CASD1: variants seen among roughly 807,000 people sequenced by gnomAD.
CASD1 encodes N-acetylneuraminate (7)9-O-acetyltransferase.
CASD1 carries 41 observed loss-of-function variants against 100.0 expected under a neutral mutation model. The observed-to-expected ratio is 0.41, with a 90% CI of 0.32 to 0.53. CASD1 has a LOEUF of 0.53. Ranked by LOEUF, CASD1 falls within the 20% of genes least tolerant of loss-of-function variation. The pLI is 0.25. For missense variants in CASD1, 774 were observed against 948.7 expected, an observed-to-expected ratio of 0.82 and a Z score of 2.42; for synonymous variants, 321 against 315.6, an observed-to-expected ratio of 1.02 and a Z score of -0.18.
chr7:94,584,649 C>G, the CASD1 span, among the ~76,000 whole-genome samples: 3 of 152,186 alleles, frequency 2.0e-5, no homozygotes, highest in African/African-American at 4.8e-5. Context: ...GGTTTTCCAG[C>G]TAGTCCAGTC....
At chr7:94,623,571 T>C in the CASD1 span, 20 of 594,418 alleles carry the variant, frequency 3.4e-5, no homozygotes, top group African/African-American at 7.5e-5. Context: ...AGCAATATTA[T>C]GGGAAAATAA....
chr7:94,526,630 A>AT (rs1446736397), intron 3 of CASD1, among the ~76,000 whole-genome samples: 1 of 152,082 alleles, frequency 6.6e-6, no homozygotes, highest in South Asian at 2.1e-4. Flanking sequence ...GCTACAAAAA[A>AT]TTTTTTTAAA....
At chr7:94,525,543 G>T (rs1375016076) in intron 3 of CASD1, among the ~76,000 whole-genome samples, 1 of 152,038 alleles carries the variant, frequency 6.6e-6, no homozygotes, top group East Asian at 1.9e-4. Flanking sequence ...TATTAAAAAA[G>T]GAAAAAGAAG....
chr7:94,626,868 GT>G, the CASD1 span: 1 of 151,884 alleles, frequency 6.6e-6, no homozygotes, highest in Admixed American at 6.6e-5. Flanking sequence ...TCTATTCCTA[GT>G]TTGCCAAGAG....
the CASD1 span, among the ~76,000 whole-genome samples, chr7:94,596,948 G>T: frequency 2.0e-5 from 3 of 151,972 alleles, no homozygotes; most frequent in African/African-American, 7.2e-5. Flanking sequence ...GAATGATAAA[G>T]CCATTTCATA....
In CASD1 at chr7:94,518,214, A is replaced by G; in HGVS notation, c.242A>G (p.Asn81Ser). 1 of 1,536,670 alleles carries G rather than the reference A, an allele frequency of 6.5e-7. No individual in the cohort carries two copies. Among genetic ancestry groups the G allele is most frequent in the Middle Eastern group, 1.8e-4 (1 of 5,696 alleles). ...MHKYKISEAKNCLVDKHIAFI... is the reference protein window; with the variant it reads ...MHKYKISEAKSCLVDKHIAFI... ...TTTGTTGCTTTCAGTGAAGCAAAGA[A>G]CTGCCTTGTAGATAAACATATTGCA... The change falls in exon 3 of 18, where the codon AAC (asparagine) becomes AGC (serine). Residue 81 changes from asparagine to serine, a missense_variant. By Grantham distance (46) the Asn-to-Ser change is conservative. Transcript: ENST00000297273.
intron 1 of CASD1, among the ~76,000 whole-genome samples, chr7:94,516,207 A>G (rs1413463372): frequency 1.3e-5 from 2 of 152,116 alleles, no homozygotes; most frequent in Non-Finnish European, 2.9e-5. Flanking sequence ...TTAATAATTG[A>G]TACCCTGCTT....
intron 10 of CASD1, among the ~76,000 whole-genome samples, chr7:94,543,993 TGG>T (rs1342732228): frequency 1.3e-5 from 2 of 152,188 alleles, no homozygotes; most frequent in Non-Finnish European, 2.9e-5. Flanking sequence ...ATGTTTACAC[TGG>T]GTAAAAGTAT....
At chr7:94,558,423 G>T (rs1369922865), downstream of CASD1, among the ~76,000 whole-genome samples, 1 of 152,146 alleles carries the variant, frequency 6.6e-6, no homozygotes, top group Non-Finnish European at 1.5e-5. Flanking sequence ...TGTACTTACA[G>T]ATTTTTGGAA....
At chr7:94,624,405 A>C in the CASD1 span, 1 of 392,286 alleles carries the variant, frequency 2.5e-6, no homozygotes, top group Non-Finnish European at 4.5e-6. Context: ...ATTTTGAAAT[A>C]AATAATTTTA....
chr7:94,540,741 G>T (rs1363986588), intron 10 of CASD1, among the ~76,000 whole-genome samples: 4 of 152,124 alleles, frequency 2.6e-5, no homozygotes, highest in Non-Finnish European at 5.9e-5. Context: ...GATTCTCTGA[G>T]AAGTATGTAG....
the CASD1 span, among the ~76,000 whole-genome samples, chr7:94,563,412 G>C: frequency 1.3e-5 from 2 of 152,108 alleles, no homozygotes; most frequent in African/African-American, 4.8e-5. Flanking sequence ...ATTAGAGAAT[G>C]AAGCCATAAC....
At chr7:94,605,668 A>T in the CASD1 span, among the ~76,000 whole-genome samples, 1 of 152,114 alleles carries the variant, frequency 6.6e-6, no homozygotes, top group Non-Finnish European at 1.5e-5. Context: ...AAGACAGTTT[A>T]AAAAATACAA....
chr7:94,539,000 T>C lies in CASD1; in HGVS notation c.1300T>C (p.Trp434Arg). 1 of 1,609,410 alleles carries C rather than the reference T, an allele frequency of 6.2e-7. No individual in the cohort carries two copies. The highest frequency in any genetic ancestry group is 8.5e-7 in the Non-Finnish European group (1 of 1,176,430). ...KVLNREQTDE[W>R]KGWMQLVILI... is the part of the protein sequence containing the mutation. ...ATTAAATAGAGAACAAACAGACGAA[T>C]GGAAAGGCTGGATGCAACTTGTGAT... is the stretch of plus-strand genomic sequence containing the variant. Residue 434 changes from tryptophan to arginine, a missense_variant, in exon 10 of 18, where the codon TGG becomes CGG. Around this residue, in one of 5 missense-constraint regions of CASD1, gnomAD observed 453 missense variants for 532.6 expected, o/e 0.85. Coordinates refer to ENST00000297273, the MANE Select transcript of CASD1 (RefSeq NM_022900.5).
chr7:94,539,670 A>G (rs1169368004), intron 10 of CASD1, among the ~76,000 whole-genome samples: 1 of 149,024 alleles, frequency 6.7e-6, no homozygotes. Flanking sequence ...CTCCGTCTCA[A>G]AAAAAAAAAA....
the CASD1 span, chr7:94,599,126 ATACT>A: frequency 1.7e-6 from 1 of 579,768 alleles, no homozygotes; most frequent in Non-Finnish European, 3.0e-6. Flanking sequence ...TACATCTCAC[ATACT>A]TTTAATATAA....
rs1325597208 is a variant in CASD1 at position 94,518,262 on chromosome 7, G to A, written c.290G>A (p.Arg97His). Reference protein sequence around the residue: ...HIAFIGDSRIRQLFYSFVKII... With the variant: ...HIAFIGDSRIHQLFYSFVKII... ...GCATTTATTGGAGATTCCAGAATTC[G>A]TCAATTGTTTTATTCTTTTGTAAAA... The change falls in exon 3 of 18, where the codon CGT (arginine) becomes CAT (histidine). Residue 97 changes from arginine (R) to histidine (H), a missense_variant. Arg to His is a conservative substitution (Grantham distance 29). Transcript: ENST00000297273. The A allele has an allele frequency of 9.5e-6, 15 of 1,576,382 alleles. No individual in the cohort carries two copies. The highest frequency in any genetic ancestry group is 5.8e-5 in the Admixed American group (3 of 51,936).
downstream of CASD1, among the ~76,000 whole-genome samples, chr7:94,561,246 C>CA (rs551301702): frequency 3.6e-4 from 54 of 150,818 alleles, 2 homozygotes; most frequent in South Asian, 9.8e-3. Flanking sequence ...AACTCTGCCT[C>CA]AAAAAAAAAT....
the CASD1 span, chr7:94,585,256 T>A: frequency 2.2e-6 from 1 of 448,670 alleles, no homozygotes. Context: ...ATTTTAAAGA[T>A]CAACTTTTAT....
Sources: allele counts gnomAD v4.1 joint callset (sites outside exome capture counted in the v4.1 genomes callset), GRCh38; gene constraint gnomAD v4.1.1; regional missense constraint gnomAD v4.1.1; transcripts MANE v1.5; gene names NCBI Gene and HGNC (gene_info 2026-07-23, HGNC 2026-07-21).